The following SLC4A10 variants were observed in gnomAD, a reference collection of about 807,000 sequenced individuals.
SLC4A10 encodes sodium-driven chloride bicarbonate exchanger.
Under a neutral mutation model 137.7 loss-of-function variants are expected in SLC4A10, and 42 were observed. That is an observed-to-expected ratio of 0.30 (90% CI 0.24 to 0.39). The LOEUF (loss-of-function observed/expected upper bound fraction) is 0.39, where lower values mean the gene tolerates loss of function less well. SLC4A10 is among the 10% of genes least tolerant of loss of function. SLC4A10 has a pLI of 1.00. For synonymous variants in SLC4A10, 474 were observed against 464.1 expected (o/e 1.02, Z -0.27); for missense variants, 925 against 1,355.0 (o/e 0.68, Z 4.98).
intron 4 of SLC4A10, among the ~76,000 whole-genome samples, chr2:161,851,826 T>C (rs1394437122): frequency 6.6e-6 from 1 of 152,190 alleles, no homozygotes. Flanking sequence ...TTTTTAGTAA[T>C]GTACGAAGAC....
chr2:161,699,901 TTTAG>T (rs1398207844), intron 1 of SLC4A10, among the ~76,000 whole-genome samples: 1 of 152,204 alleles, frequency 6.6e-6, no homozygotes, highest in Non-Finnish European at 1.5e-5. Flanking sequence ...ACTTTATAAT[TTTAG>T]TTAATCTAAT....
chr2:161,960,801 C>T (rs1255347545), intron 21 of SLC4A10, among the ~76,000 whole-genome samples: 1 of 151,896 alleles, frequency 6.6e-6, no homozygotes, highest in South Asian at 2.1e-4. Context: ...CCACCTGGAG[C>T]TGGAAGGGGC....
chr2:161,831,198 T>A (rs925258875), intron 3 of SLC4A10, among the ~76,000 whole-genome samples: 1 of 152,210 alleles, frequency 6.6e-6, no homozygotes, highest in Non-Finnish European at 1.5e-5. Flanking sequence ...TATGACACTA[T>A]ATTATCATTG....
intron 15 of SLC4A10, among the ~76,000 whole-genome samples, chr2:161,909,726 A>G (rs1173710896): frequency 3.9e-5 from 6 of 152,238 alleles, no homozygotes; most frequent in African/African-American, 7.2e-5. Flanking sequence ...CATAGAACGC[A>G]TATATTTACT....
At chr2:161,967,359 G>T (rs935040736) in intron 23 of SLC4A10, among the ~76,000 whole-genome samples, 1 of 152,104 alleles carries the variant, frequency 6.6e-6, no homozygotes, top group East Asian at 1.9e-4. Flanking sequence ...AGCCACCCTC[G>T]ACCTTGAACT....
chr2:161,886,516 A>T (rs577299241), intron 10 of SLC4A10, among the ~76,000 whole-genome samples: 1 of 152,236 alleles, frequency 6.6e-6, no homozygotes, highest in South Asian at 2.1e-4. Context: ...TGGCACCGTC[A>T]TTCTACTTAA....
chr2:161,718,187 C>G (rs1279685350), intron 1 of SLC4A10, among the ~76,000 whole-genome samples: 1 of 151,530 alleles, frequency 6.6e-6, no homozygotes, highest in Non-Finnish European at 1.5e-5. Context: ...TCTCTTTTTT[C>G]TTCTTTATTA....
intron 2 of SLC4A10, among the ~76,000 whole-genome samples, chr2:161,789,911 A>G (rs1456028626): frequency 1.3e-5 from 2 of 152,210 alleles, no homozygotes; most frequent in Non-Finnish European, 2.9e-5. Flanking sequence ...TTAAATCTTT[A>G]CATAAGGTAG....
intron 1 of SLC4A10, among the ~76,000 whole-genome samples, chr2:161,758,548 TC>T (rs1201117695): frequency 6.6e-6 from 1 of 152,000 alleles, no homozygotes; most frequent in Non-Finnish European, 1.5e-5. Context: ...TATTGACTGT[TC>T]AAATCTAATT....
At chr2:161,637,619 T>C (rs2034647097) in intron 1 of SLC4A10, among the ~76,000 whole-genome samples, 1 of 152,152 alleles carries the variant, frequency 6.6e-6, no homozygotes, top group Non-Finnish European at 1.5e-5. Context: ...CTCTTCAACA[T>C]ATGGATTTCA....
At chr2:161,768,661 T>G (rs1025424655) in intron 1 of SLC4A10, among the ~76,000 whole-genome samples, 1 of 151,984 alleles carries the variant, frequency 6.6e-6, no homozygotes, top group African/African-American at 2.4e-5. Context: ...TTTAGTAGAC[T>G]TCCCATCTAT....
intron 6 of SLC4A10, among the ~76,000 whole-genome samples, chr2:161,868,162 AGAG>A (rs1278523987): frequency 6.6e-6 from 1 of 152,008 alleles, no homozygotes; most frequent in Non-Finnish European, 1.5e-5. Flanking sequence ...TTAAAGAAGA[AGAG>A]AACTATAGCT....
intron 1 of SLC4A10, among the ~76,000 whole-genome samples, chr2:161,760,881 G>A (rs932461045): frequency 6.6e-6 from 1 of 151,408 alleles, no homozygotes; most frequent in Non-Finnish European, 1.5e-5. Flanking sequence ...AGAGAATGTG[G>A]TATATATATA....
At position 161,984,641 on chromosome 2, in the gene SLC4A10, G is replaced by A. The variant is rs920243915; in HGVS notation, c.*1489G>A. On this transcript the variant is annotated 3_prime_UTR_variant, in exon 27 of 27. Coordinates refer to ENST00000446997, the MANE Select transcript of SLC4A10 (RefSeq NM_001178015.2). ...AAGTCTCCATTAAGTTCTACATTTT[G>A]AGACCTTTTAAAAATTCCCCTCACA... 4 of 152,058 alleles carry A rather than the reference G, an allele frequency of 2.6e-5. No individual in the cohort carries two copies. In the South Asian group the frequency reaches 8.3e-4, roughly 31 times the overall value. The allele number at this position is 152,058 out of a possible 1,614,324, so 9.4% of individuals were successfully genotyped here.
chr2:161,749,735 G>A (rs1463138095), intron 1 of SLC4A10, among the ~76,000 whole-genome samples: 1 of 151,642 alleles, frequency 6.6e-6, no homozygotes, highest in Non-Finnish European at 1.5e-5. Flanking sequence ...GTTTGTTCTT[G>A]TGGTGTCTTT....
At chr2:161,826,929 CT>C (rs951623867) in intron 3 of SLC4A10, among the ~76,000 whole-genome samples, 1 of 152,080 alleles carries the variant, frequency 6.6e-6, no homozygotes, top group African/African-American at 2.4e-5. Flanking sequence ...ACTTCTTATT[CT>C]TTTTAAATTC....
intron 1 of SLC4A10, among the ~76,000 whole-genome samples, chr2:161,645,324 A>G (rs576174104): frequency 6.2e-4 from 94 of 152,142 alleles, no homozygotes; most frequent in African/African-American, 1.9e-3. Flanking sequence ...AATATTTTTC[A>G]TACTACAAGA....
intron 15 of SLC4A10, among the ~76,000 whole-genome samples, chr2:161,916,159 T>A (rs559375241): frequency 1.6e-4 from 25 of 152,184 alleles, no homozygotes; most frequent in Non-Finnish European, 3.1e-4. Context: ...GGTATCTTGT[T>A]GTGGCAGGCA....
chr2:161,748,757 A>C (rs1235017543), intron 1 of SLC4A10, among the ~76,000 whole-genome samples: 1 of 151,824 alleles, frequency 6.6e-6, no homozygotes, highest in African/African-American at 2.4e-5. Flanking sequence ...TTCCTTGGCT[A>C]TTTGTGGTCT....
Sources: gnomAD v4.1 joint callset for allele counts (sites outside exome capture counted in the v4.1 genomes callset) on GRCh38, gnomAD v4.1.1 for gene constraint, MANE v1.5 for transcripts, NCBI Gene and HGNC (gene_info 2026-07-23, HGNC 2026-07-21) for gene names.